Variants in FABP7 observed in about 807,000 individuals in gnomAD.
FABP7 encodes the protein fatty acid binding protein 7.
FABP7 carries 13 observed loss-of-function variants against 14.2 expected under a neutral mutation model. That is an observed-to-expected ratio of 0.91 (90% CI 0.59 to 1.45). The LOEUF (loss-of-function observed/expected upper bound fraction) is 1.45. Ranked by LOEUF, FABP7 falls within the 40% of genes most tolerant of loss-of-function variation. FABP7 has a pLI of 0.00. For synonymous variants in FABP7, 49 were observed against 51.4 expected, an observed-to-expected ratio of 0.95 and a Z score of 0.20; for missense variants, 149 against 157.6, an observed-to-expected ratio of 0.95 and a Z score of 0.29.
At chr6:122,762,765 A>C in the FABP7 span, among the ~76,000 whole-genome samples, 1 of 152,246 alleles carries the variant, frequency 6.6e-6, no homozygotes, top group Non-Finnish European at 1.5e-5. Flanking sequence ...ACAGAGAGCC[A>C]AATCATGAGT....
chr6:122,765,229 T>A, the FABP7 span, among the ~76,000 whole-genome samples: 1 of 152,166 alleles, frequency 6.6e-6, no homozygotes, highest in Admixed American at 6.6e-5. Flanking sequence ...TCTGATTGAA[T>A]GTTTATTGGA....
chr6:122,765,761 A>G, the FABP7 span, among the ~76,000 whole-genome samples: 11 of 151,684 alleles, frequency 7.3e-5, no homozygotes, highest in Non-Finnish European at 1.3e-4. Flanking sequence ...TAAAATTTCA[A>G]TCTGTTCTCT....
chr6:122,765,043 G>A, the FABP7 span, among the ~76,000 whole-genome samples: 19,765 of 152,150 alleles, frequency 0.13, 2,149 homozygotes, highest in East Asian at 0.52. Flanking sequence ...AATGCCAGTT[G>A]ATTGATTTTC....
the FABP7 span, among the ~76,000 whole-genome samples, chr6:122,757,652 A>T: frequency 6.6e-6 from 1 of 152,008 alleles, no homozygotes; most frequent in Non-Finnish European, 1.5e-5. Flanking sequence ...AATGAAGTTC[A>T]GATAAAAACA....
chr6:122,757,034 T>C, the FABP7 span, among the ~76,000 whole-genome samples: 4 of 152,316 alleles, frequency 2.6e-5, no homozygotes, highest in South Asian at 8.3e-4. Context: ...GGTTAAGTGA[T>C]CTATTAATAA....
chr6:122,767,191 T>A, the FABP7 span, among the ~76,000 whole-genome samples: 1 of 152,102 alleles, frequency 6.6e-6, no homozygotes, highest in Non-Finnish European at 1.5e-5. Context: ...GATCAATATA[T>A]AAAATAGATA....
At chr6:122,778,420 G>C (rs1335390207), upstream of FABP7, among the ~76,000 whole-genome samples, 1 of 152,188 alleles carries the variant, frequency 6.6e-6, no homozygotes, top group Non-Finnish European at 1.5e-5. Context: ...GAATCATGTA[G>C]CCGCCACCTA....
the FABP7 span, among the ~76,000 whole-genome samples, chr6:122,757,825 A>G: frequency 6.6e-6 from 1 of 152,128 alleles, no homozygotes; most frequent in Non-Finnish European, 1.5e-5. Context: ...AAGGTGCCGG[A>G]ATAAAATATT....
chr6:122,754,115 C>G, the FABP7 span, among the ~76,000 whole-genome samples: 1 of 152,000 alleles, frequency 6.6e-6, no homozygotes, highest in Admixed American at 6.6e-5. Context: ...ATTCTCCTGC[C>G]TCAGGTACCA....
chr6:122,777,878 T>TAAATAAATATAA (rs1365482048), upstream of FABP7, among the ~76,000 whole-genome samples: 10 of 42,296 alleles, frequency 2.4e-4, no homozygotes, highest in Non-Finnish European at 6.3e-4. Context: ...ATAAATATAA[T>TAAATAAATATAA]TTTTTTATGT....
chr6:122,762,183 G>A, the FABP7 span, among the ~76,000 whole-genome samples: 148 of 151,918 alleles, frequency 9.7e-4, no homozygotes, highest in African/African-American at 3.2e-3. Flanking sequence ...ATCAAAAAGC[G>A]TATCCACCAT....
the FABP7 span, among the ~76,000 whole-genome samples, chr6:122,773,523 T>C: frequency 2.7e-3 from 407 of 152,312 alleles, 2 homozygotes; most frequent in African/African-American, 9.6e-3. Flanking sequence ...GCATTACCTA[T>C]TATGGGAGAG....
chr6:122,778,456 C>G (rs1007427654), upstream of FABP7, among the ~76,000 whole-genome samples: 1 of 152,142 alleles, frequency 6.6e-6, no homozygotes, highest in African/African-American at 2.4e-5. Context: ...TGAGCCTTCT[C>G]TGTTGGATCT....
At chr6:122,753,091 G>C in the FABP7 span, among the ~76,000 whole-genome samples, 320 of 152,264 alleles carry the variant, frequency 2.1e-3, 3 homozygotes, top group Middle Eastern at 0.054. Flanking sequence ...GAGACTAACC[G>C]TTTCTCTCTG....
chr6:122,775,916 T>G (rs897229953), upstream of FABP7, among the ~76,000 whole-genome samples: 2 of 152,020 alleles, frequency 1.3e-5, no homozygotes, highest in Non-Finnish European at 2.9e-5. Flanking sequence ...AAAGAAGAGA[T>G]AAGAATGGAC....
chr6:122,769,682 AC>A, the FABP7 span, among the ~76,000 whole-genome samples: 1 of 152,108 alleles, frequency 6.6e-6, no homozygotes, highest in Admixed American at 6.6e-5. Context: ...CGAGTAGAAA[AC>A]TTACGAAATG....
intron 3 of FABP7, chr6:122,782,391 T>C (rs1780813137): frequency 1.8e-6 from 1 of 559,680 alleles, no homozygotes; most frequent in Non-Finnish European, 2.3e-6. Flanking sequence ...CTGGCAATCA[T>C]TGAGGTTGTT....
chr6:122,754,701 T>C, the FABP7 span, among the ~76,000 whole-genome samples: 1 of 150,252 alleles, frequency 6.7e-6, no homozygotes, highest in South Asian at 2.1e-4. Context: ...TCCTTTGAAG[T>C]ACATGTGCTA....
chr6:122,781,248 C>T (rs1453633112), intron 3 of FABP7, 54 bp downstream of exon 3: 1 of 1,576,992 alleles, frequency 6.3e-7, no homozygotes, highest in Non-Finnish European at 8.7e-7. Context: ...CTCCGCACAC[C>T]TCTCACCTCC....
Sources: gnomAD v4.1 joint callset for allele counts (sites outside exome capture counted in the v4.1 genomes callset) on GRCh38, gnomAD v4.1.1 for gene constraint, MANE v1.5 for transcripts, NCBI Gene and HGNC (gene_info 2026-07-23, HGNC 2026-07-21) for gene names.